FCSK: variants seen among roughly 807,000 people sequenced by gnomAD.
FCSK encodes the protein L-fucose kinase.
A neutral mutation model predicts 122.5 loss-of-function variants in FCSK; 123 were observed. The observed-to-expected ratio is 1.00, with a 90% CI of 0.87 to 1.17. The LOEUF is 1.17. Among genes scored for constraint, FCSK ranks in the 50% most tolerant of loss-of-function variants. FCSK has a pLI of 0.00. For synonymous variants in FCSK, 620 were observed against 625.5 expected, an observed-to-expected ratio of 0.99 and a Z score of 0.13; for missense variants, 1,366 against 1,450.4, an observed-to-expected ratio of 0.94 and a Z score of 0.95.
chr16:70,479,263 G>T lies in FCSK; in HGVS notation c.3013G>T (p.Val1005Leu). 6.2e-7 allele frequency: 1 copy of T among 1,613,992 alleles called. No individual in the cohort carries two copies. The highest frequency in any genetic ancestry group is 8.5e-7 in the Non-Finnish European group (1 of 1,180,050). The change falls in exon 23 of 24, where the codon GTG (valine) becomes TTG (leucine). Residue 1005 changes from valine (V) to leucine (L), a missense_variant. Transcript: ENST00000288078. ...GGCTCCAGGCTGTGAGCCCCTGACT[G>T]TGCGGCGTATGATGGATGTCCTGGC... is the stretch of plus-strand genomic sequence containing the variant. ...LMAPGCEPLT[V>L]RRMMDVLAPH...
rs753426212 is a variant in FCSK, at chr16:70,478,543, G to A, written c.2830-8G>A. ...TCCTCACCACCCCTTCTCCTGCCCC[G>A]TCCGCAGGATGTGCTGAGGAGCTGG... On this transcript the variant is annotated splice_polypyrimidine_tract_variant and splice_region_variant and intron_variant, in intron 21 of 23. Transcript: ENST00000288078. The A allele has an allele frequency of 6.8e-6, 11 of 1,613,176 alleles. No homozygotes were observed. The highest frequency in any genetic ancestry group is 6.7e-5 in the Admixed American group (4 of 60,008).
chr16:70,468,374 C>T (rs990985331), intron 8 of FCSK, among the ~76,000 whole-genome samples: 4 of 152,196 alleles, frequency 2.6e-5, no homozygotes, highest in Admixed American at 6.5e-5. Flanking sequence ...GAGCAGAGAT[C>T]GTGCCACTGC....
rs200099057 is a variant in FCSK at position 70,475,349 on chromosome 16, G to C, written c.2378-1G>C. ...CCTTTCTCATGCCTGTCCTTCTGCA[G>C]GGGCCCTGCTGAAGGCGGCCTTCAT... On this transcript the variant is annotated splice_acceptor_variant, in intron 18 of 23. Coordinates refer to ENST00000288078, the MANE Select transcript of FCSK (RefSeq NM_145059.3). LOFTEE classifies it high-confidence loss of function. 2 of 1,609,592 alleles carry C rather than the reference G, an allele frequency of 1.2e-6. No individual in the cohort carries two copies. Among genetic ancestry groups the C allele is most frequent in the Non-Finnish European group, 1.7e-6 (2 of 1,179,890 alleles).
At position 70,472,966 on chromosome 16, in the gene FCSK, C is replaced by G. The variant is rs779565397; in HGVS notation, c.1407-17C>G. ...CTTTTGCTTCCCTCCTGGGAATGTGCCTTCTCCCCACATCAGAGCCTGGGA... is the reference window on the plus strand; with the variant it reads ...CTTTTGCTTCCCTCCTGGGAATGTGGCTTCTCCCCACATCAGAGCCTGGGA... On this transcript the variant is annotated splice_polypyrimidine_tract_variant and intron_variant, in intron 14 of 23. Coordinates refer to ENST00000288078, the MANE Select transcript of FCSK (RefSeq NM_145059.3). 3.1e-6 allele frequency: 5 copies of G among 1,591,154 alleles called. No individual in the cohort carries two copies. In the African/African-American group the frequency reaches 6.8e-5, roughly 22 times the overall value.
intron 22 of FCSK, 138 bp downstream of exon 22, chr16:70,478,788 C>T: frequency 1.3e-6 from 1 of 761,254 alleles, no homozygotes. Flanking sequence ...TACTGTCTGT[C>T]CTCTCCAGGG....
intron 1 of FCSK, chr16:70,454,965 C>CT (rs1354669076): frequency 1.3e-5 from 2 of 152,228 alleles, no homozygotes; most frequent in African/African-American, 2.4e-5. Context: ...GCCGGCGCTG[C>CT]TCTGATTTTA....
chr16:70,472,716 CA>C, intron 14 of FCSK, 111 bp downstream of exon 14: 1 of 958,878 alleles, frequency 1.0e-6, no homozygotes, highest in Non-Finnish European at 1.5e-6. Flanking sequence ...TGTTACCATC[CA>C]GGGGCCTGGG....
chr16:70,475,829 AGTGGG>A, intron 20 of FCSK, 62 bp downstream of exon 20: 1 of 1,462,344 alleles, frequency 6.8e-7, no homozygotes, highest in Non-Finnish European at 9.0e-7. Flanking sequence ...CCGCGGGGGG[AGTGGG>A]GCTCCCCTGG....
Position 70,474,306 on chromosome 16 carries a change from C to T in FCSK, c.1955C>T (p.Ala652Val), listed in dbSNP as rs201433219. 1.3e-4 allele frequency: 208 copies of T among 1,613,554 alleles called. No homozygotes were observed. In the Middle Eastern group the frequency reaches 1.3e-3, roughly 10 times the overall value. The change falls in exon 16 of 24, where the codon GCG (alanine) becomes GTG (valine). Residue 652 changes from alanine to valine, a missense_variant. Coordinates refer to ENST00000288078, the MANE Select transcript of FCSK (RefSeq NM_145059.3). ...GGAGACCTGGCAGCGGGCGTGGAGG[C>T]GCTTGCCCAGGAGAGGGACAAGTGG... ...ECGDLAAGVE[A>V]LAQERDKWLS...
chr16:70,463,180 G>A lies in FCSK; in HGVS notation c.-11G>A, dbSNP rs757937839. The A allele has an allele frequency of 9.3e-6, 15 of 1,612,862 alleles. No individual in the cohort carries two copies. The highest frequency in any genetic ancestry group is 4.0e-5 in the African/African-American group (3 of 74,920). On this transcript the variant is annotated 5_prime_UTR_variant, in exon 2 of 24. Coordinates refer to ENST00000288078, the MANE Select transcript of FCSK (RefSeq NM_145059.3). ...TATTGCTGTCTCAGGAAGCCCCTCC[G>A]CTTGGCCAGAATGGAGCAGCCGAAG...
intron 18 of FCSK, 37 bp from the exon 19 acceptor site, chr16:70,475,313 G>A (rs757881731): frequency 6.2e-6 from 10 of 1,603,834 alleles, no homozygotes; most frequent in East Asian, 4.5e-5. Flanking sequence ...TCTGCCCATC[G>A]AGACTGAATT....
chr16:70,478,920 C>G (rs184468569), intron 22 of FCSK: 266 of 695,258 alleles, frequency 3.8e-4, no homozygotes, highest in Non-Finnish European at 6.1e-4. Context: ...CCAAGGAAGT[C>G]TGAGCTGGGC....
intron 1 of FCSK, among the ~76,000 whole-genome samples, chr16:70,460,590 A>C (rs1353629504): frequency 2.0e-5 from 3 of 151,726 alleles, no homozygotes; most frequent in African/African-American, 7.3e-5. Flanking sequence ...TTTTTATTAG[A>C]GACGGGGTTT....
In FCSK at chr16:70,474,858, G is replaced by T. The variant is rs1404504232; in HGVS notation, c.2224G>T (p.Val742Leu). The T allele has an allele frequency of 6.3e-7, 1 of 1,596,780 alleles. No individual in the cohort carries two copies. Among genetic ancestry groups the T allele is most frequent in the East Asian group, 2.3e-5 (1 of 43,950 alleles). ...GGCTGTGCTGGGCCTGGCTGTGCGA[G>T]TGGACGGCCGCCGGCCCATCGGAGC... is the stretch of plus-strand genomic sequence containing the variant. ...GGAVLGLAVR[V>L]DGRRPIGARA... The change falls in exon 18 of 24, where the codon GTG becomes TTG. Residue 742 changes from valine (V) to leucine (L), a missense_variant. By Grantham distance (32) the Val-to-Leu change is conservative (BLOSUM62 1). Coordinates refer to ENST00000288078, the MANE Select transcript of FCSK (RefSeq NM_145059.3).
Position 70,478,550 on chromosome 16 carries a change from G to A in FCSK, c.2830-1G>A. The A allele has an allele frequency of 6.2e-7, 1 of 1,613,782 alleles. No homozygotes were observed. The highest frequency in any genetic ancestry group is 8.5e-7 in the Non-Finnish European group (1 of 1,180,032). ...CACCCCTTCTCCTGCCCCGTCCGCA[G>A]GATGTGCTGAGGAGCTGGTATGCCC... On this transcript the variant is annotated splice_acceptor_variant, in intron 21 of 23. Transcript: ENST00000288078. LOFTEE classifies it high-confidence loss of function.
chr16:70,463,344 C>T, intron 2 of FCSK, 72 bp downstream of exon 2: 2 of 1,355,318 alleles, frequency 1.5e-6, no homozygotes, highest in Non-Finnish European at 2.1e-6. Context: ...GTCCCTCCAA[C>T]ACCAGGTGCC....
intron 4 of FCSK, 118 bp from the exon 5 acceptor site, chr16:70,466,014 A>G (rs1340321720): frequency 2.9e-6 from 3 of 1,051,120 alleles, no homozygotes; most frequent in African/African-American, 3.2e-5. Context: ...TGTAGGAGAA[A>G]ATATCAAGAG....
chr16:70,460,236 C>T (rs1380999627), intron 1 of FCSK, among the ~76,000 whole-genome samples: 43 of 149,848 alleles, frequency 2.9e-4, no homozygotes, highest in Admixed American at 4.7e-4. Context: ...CTCAGCCTCC[C>T]GAGTAGCTGG....
At chr16:70,477,951 G>GT in intron 20 of FCSK, 1 of 275,844 alleles carries the variant, frequency 3.6e-6, no homozygotes, top group Non-Finnish European at 6.9e-6. Context: ...CCAAAGTGCT[G>GT]TGATTACAGG....
Sources: allele counts gnomAD v4.1 joint callset (sites outside exome capture counted in the v4.1 genomes callset), GRCh38; gene constraint gnomAD v4.1.1; transcripts MANE v1.5; gene names NCBI Gene and HGNC (gene_info 2026-07-23, HGNC 2026-07-21).